The following SLC39A9 variants were observed in gnomAD, a reference collection of about 807,000 sequenced individuals.
SLC39A9 encodes zinc transporter ZIP9.
A neutral mutation model predicts 28.4 loss-of-function variants in SLC39A9; 14 were observed. The ratio of observed to expected loss-of-function variants is 0.49; its 90% CI spans 0.33 to 0.77. The LOEUF is 0.77. Among genes scored for constraint, SLC39A9 ranks in the 30% least tolerant of loss-of-function variants. The pLI is 0.02. For synonymous variants in SLC39A9, 119 were observed against 149.6 expected, an observed-to-expected ratio of 0.80 and a Z score of 1.49; for missense variants, 283 against 381.1, an observed-to-expected ratio of 0.74 and a Z score of 2.14.
At chr14:69,415,705 A>G (rs1181861451) in intron 1 of SLC39A9, among the ~76,000 whole-genome samples, 1 of 152,122 alleles carries the variant, frequency 6.6e-6, no homozygotes, top group Non-Finnish European at 1.5e-5. Context: ...TTGACGTTGC[A>G]GCTTTAGTTT....
intron 1 of SLC39A9, among the ~76,000 whole-genome samples, chr14:69,405,693 T>C (rs1882876615): frequency 6.6e-6 from 1 of 152,172 alleles, no homozygotes; most frequent in South Asian, 2.1e-4. Context: ...AACTACAGAT[T>C]ATTGTTTCAT....
At chr14:69,437,293 A>AG (rs1475211482) in intron 2 of SLC39A9, among the ~76,000 whole-genome samples, 1 of 152,198 alleles carries the variant, frequency 6.6e-6, no homozygotes, top group Non-Finnish European at 1.5e-5. Flanking sequence ...GAGGAGGTAG[A>AG]GAAAAAAAGG....
intron 2 of SLC39A9, among the ~76,000 whole-genome samples, chr14:69,427,114 T>C (rs144683814): frequency 5.1e-4 from 77 of 151,586 alleles, no homozygotes; most frequent in African/African-American, 1.7e-3. Flanking sequence ...GTGACCCTCC[T>C]ACCTCAGCCT....
intron 1 of SLC39A9, among the ~76,000 whole-genome samples, chr14:69,407,639 CT>C (rs1172803680): frequency 5.6e-4 from 76 of 134,968 alleles, no homozygotes; most frequent in Admixed American, 6.7e-4. Context: ...AATTTTCTTT[CT>C]TTTTTTTTTT....
At chr14:69,442,390 G>GT (rs1885091105) in intron 3 of SLC39A9, 124 bp downstream of exon 3, 1 of 913,574 alleles carries the variant, frequency 1.1e-6, no homozygotes, top group South Asian at 1.6e-5. Flanking sequence ...TCTTCCTTGG[G>GT]TTCTAGTGAA....
intron 3 of SLC39A9, among the ~76,000 whole-genome samples, chr14:69,447,191 CGGAT>C (rs1483058587): frequency 2.0e-5 from 3 of 152,054 alleles, no homozygotes; most frequent in Non-Finnish European, 4.4e-5. Context: ...ATACCTTGAT[CGGAT>C]AGTCAAAATT....
chr14:69,448,131 C>A (rs935276506), intron 3 of SLC39A9, among the ~76,000 whole-genome samples: 1 of 138,828 alleles, frequency 7.2e-6, no homozygotes, highest in Non-Finnish European at 1.5e-5. Flanking sequence ...AGGAGAATGG[C>A]GTGAACATGG....
chr14:69,426,988 T>C (rs957712730), intron 2 of SLC39A9, among the ~76,000 whole-genome samples: 3 of 151,456 alleles, frequency 2.0e-5, no homozygotes, highest in Non-Finnish European at 4.4e-5. Flanking sequence ...TCAGTTTTCC[T>C]GATTTTTGAC....
intron 1 of SLC39A9, among the ~76,000 whole-genome samples, chr14:69,410,251 T>A (rs756212267): frequency 5.8e-4 from 89 of 152,228 alleles, no homozygotes; most frequent in Non-Finnish European, 4.8e-4. Context: ...AACCTTGATG[T>A]CAAATGAGTT....
At chr14:69,418,208 A>G (rs1883680431) in intron 1 of SLC39A9, among the ~76,000 whole-genome samples, 1 of 152,134 alleles carries the variant, frequency 6.6e-6, no homozygotes, top group Non-Finnish European at 1.5e-5. Flanking sequence ...CCTTTTCTGC[A>G]TCTATTGAGA....
rs955137285 is a variant in SLC39A9 at position 69,460,417 on chromosome 14, A to G, written c.*1824A>G. The G allele has an allele frequency of 1.0e-6, 1 of 985,474 alleles. No individual in the cohort carries two copies. The highest frequency in any genetic ancestry group is 1.2e-6 in the Non-Finnish European group (1 of 829,946). The allele number at this position is 985,474 out of a possible 1,614,324, so 61.0% of individuals were successfully genotyped here. On this transcript the variant is annotated 3_prime_UTR_variant, in exon 7 of 7. Coordinates refer to ENST00000336643, the MANE Select transcript of SLC39A9 (RefSeq NM_018375.5). ...GAGAAGGTATAGTATGGAAAGTCCA[A>G]ATGACTTCCTTGATTGGATGTTAAC...
chr14:69,450,038 A>G (rs1885529530), intron 3 of SLC39A9, among the ~76,000 whole-genome samples: 1 of 152,198 alleles, frequency 6.6e-6, no homozygotes, highest in East Asian at 1.9e-4. Flanking sequence ...ATACAAAAAA[A>G]TTAGCTGGGC....
At chr14:69,404,338 G>T (rs59556937) in intron 1 of SLC39A9, among the ~76,000 whole-genome samples, 5,318 of 152,284 alleles carry the variant, frequency 0.035, 324 homozygotes, top group African/African-American at 0.12. Context: ...GGGACTGTCT[G>T]AGACAGTATC....
intron 2 of SLC39A9, 50 bp downstream of exon 2, chr14:69,424,252 T>G (rs761505276): frequency 7.2e-7 from 1 of 1,380,286 alleles, no homozygotes; most frequent in South Asian, 1.2e-5. Flanking sequence ...CTTGGAGGGT[T>G]AGCAGGATGA....
At chr14:69,426,140 G>A (rs905338759) in intron 2 of SLC39A9, among the ~76,000 whole-genome samples, 4 of 152,164 alleles carry the variant, frequency 2.6e-5, no homozygotes, top group African/African-American at 9.7e-5. Flanking sequence ...GTGGACACCA[G>A]CCAGGTGTCC....
At position 69,452,772 on chromosome 14, in the gene SLC39A9, C is replaced by T. The variant is rs544756831; in HGVS notation, c.404-469C>T. On this transcript the variant is annotated intron_variant, in intron 3 of 6. Transcript: ENST00000336643. ...TAGGGTGATGGCAATAAAAATGTGACAGATGTTAGAATGAAGATAAAGTTG... is the reference window on the plus strand; with the variant it reads ...TAGGGTGATGGCAATAAAAATGTGATAGATGTTAGAATGAAGATAAAGTTG... Among the ~76,000 whole-genome samples, 20 of 152,090 alleles carry T rather than the reference C, an allele frequency of 1.3e-4. No homozygotes were observed. The South Asian group carries it at 4.2e-3, about 32-fold the overall frequency.
intron 1 of SLC39A9, among the ~76,000 whole-genome samples, chr14:69,419,666 T>G (rs938992510): frequency 6.6e-6 from 1 of 152,224 alleles, no homozygotes; most frequent in African/African-American, 2.4e-5. Context: ...AAGGACTTGC[T>G]TTATGAATCC....
chr14:69,441,672 T>G (rs893480370), intron 2 of SLC39A9, among the ~76,000 whole-genome samples: 3 of 152,378 alleles, frequency 2.0e-5, no homozygotes, highest in African/African-American at 7.2e-5. Flanking sequence ...GCAATTATTT[T>G]CATTGTTACT....
At chr14:69,415,249 T>C (rs1883504352) in intron 1 of SLC39A9, among the ~76,000 whole-genome samples, 1 of 152,232 alleles carries the variant, frequency 6.6e-6, no homozygotes, top group African/African-American at 2.4e-5. Context: ...CCACCAGCAA[T>C]GTGTGAGTTT....
Sources: allele counts gnomAD v4.1 joint callset (sites outside exome capture counted in the v4.1 genomes callset), GRCh38; gene constraint gnomAD v4.1.1; transcripts MANE v1.5; gene names NCBI Gene and HGNC (gene_info 2026-07-23, HGNC 2026-07-21).